The following RADIL variants were observed in gnomAD, a reference collection of about 807,000 sequenced individuals.
RADIL encodes ras-associating and dilute domain-containing protein.
Under a neutral mutation model 97.6 loss-of-function variants are expected in RADIL, and 99 were observed. The ratio of observed to expected loss-of-function variants is 1.01; its 90% confidence interval spans 0.86 to 1.20. RADIL has a LOEUF of 1.20. Among genes scored for constraint, RADIL ranks in the 50% most tolerant of loss-of-function variants. RADIL has a pLI of 0.00. For synonymous variants in RADIL, 803 were observed against 691.8 expected, an observed-to-expected ratio of 1.16 and a Z score of -2.52; for missense variants, 1,765 against 1,498.9, an observed-to-expected ratio of 1.18 and a Z score of -2.93.
chr7:4,846,123 CTTTTTTTTTT>C (rs548251052), intron 2 of RADIL, among the ~76,000 whole-genome samples: 1 of 143,624 alleles, frequency 7.0e-6, no homozygotes, highest in African/African-American at 2.5e-5. Context: ...CTACAATCTT[CTTTTTTTTTT>C]TTTTTTTTTT....
intron 2 of RADIL, among the ~76,000 whole-genome samples, chr7:4,848,699 C>A (rs6463120): frequency 0.46 from 69,270 of 151,906 alleles, 16,217 homozygotes; most frequent in African/African-American, 0.55. Flanking sequence ...AAACATGGCT[C>A]TATTGAGAAG....
At chr7:4,820,581 A>G (rs1051781771) in intron 6 of RADIL, among the ~76,000 whole-genome samples, 1 of 152,118 alleles carries the variant, frequency 6.6e-6, no homozygotes, top group African/African-American at 2.4e-5. Flanking sequence ...GACTGGGGAG[A>G]CCCTGGCAGA....
rs764029331 is a variant in RADIL, at chr7:4,816,263, GAGA to G, written c.1928_1930del (p.Phe643del). ...GAGCTGGTTGAGAAGCAGTGTCCCG[GAGA>G]AGAAGAAGAGGTAGGCGAGCATCTG... is the stretch of plus-strand genomic sequence containing the variant. On this transcript the variant is annotated inframe_deletion, in exon 8 of 15. Coordinates refer to ENST00000399583, the MANE Select transcript of RADIL (RefSeq NM_018059.5). 4.2e-5 allele frequency: 68 copies of G among 1,612,520 alleles called. No homozygotes were observed. Among genetic ancestry groups the G allele is most frequent in the Admixed American group, 4.0e-4 (24 of 60,000 alleles).
At chr7:4,862,790 G>A (rs962308359) in intron 2 of RADIL, among the ~76,000 whole-genome samples, 7 of 151,940 alleles carry the variant, frequency 4.6e-5, no homozygotes, top group Admixed American at 4.6e-4. Context: ...CCAGCTACTC[G>A]GGAGGCTGAG....
chr7:4,827,727 G>T (rs1245837177), intron 5 of RADIL, among the ~76,000 whole-genome samples: 1 of 152,140 alleles, frequency 6.6e-6, no homozygotes, highest in Admixed American at 6.6e-5. Context: ...AAGGGATTCG[G>T]CCAACACGGG....
intron 12 of RADIL, among the ~76,000 whole-genome samples, chr7:4,801,372 G>A (rs1371061470): frequency 2.6e-5 from 4 of 152,188 alleles, no homozygotes; most frequent in Non-Finnish European, 5.9e-5. Flanking sequence ...CCTCTGCCCA[G>A]TGCAGGAGTG....
At chr7:4,860,132 A>C (rs771629732) in intron 2 of RADIL, 1 of 1,614,008 alleles carries the variant, frequency 6.2e-7, no homozygotes, top group Non-Finnish European at 8.5e-7. Context: ...CATTACAGCC[A>C]AGGCAGGACT....
At chr7:4,802,899 C>T (rs1187624979) in intron 11 of RADIL, among the ~76,000 whole-genome samples, 3 of 126,128 alleles carry the variant, frequency 2.4e-5, no homozygotes, top group Non-Finnish European at 4.9e-5. Context: ...GGCCCCCTCC[C>T]CGGGCACCTC....
rs957740747 is a variant in RADIL, at chr7:4,872,421, C to G, written c.535+5184G>C. ...GGGCTCTGCGCGGGTTTAACACTTA[C>G]CCCTCCTGCAAAGGCAAACCAAGCC... On this transcript the variant is annotated intron_variant, in intron 2 of 14. Coordinates refer to ENST00000399583, the MANE Select transcript of RADIL (RefSeq NM_018059.5). The surrounding 1 kb of genome is among the most constrained non-coding windows in gnomAD (Gnocchi z 5.8). Among the ~76,000 whole-genome samples the G allele has an allele frequency of 1.3e-5, 2 of 152,184 alleles. No homozygotes were observed. The highest frequency in any genetic ancestry group is 4.8e-5 in the African/African-American group (2 of 41,456).
intron 5 of RADIL, among the ~76,000 whole-genome samples, chr7:4,827,559 G>T (rs1159010802): frequency 2.0e-5 from 3 of 152,160 alleles, no homozygotes; most frequent in African/African-American, 7.2e-5. Flanking sequence ...TACTCGGGAG[G>T]CTGAGGCAGG....
Position 4,836,508 on chromosome 7 carries a change from C to A in RADIL, c.633G>T (p.Leu211Phe), listed in dbSNP as rs767982099. The part of the protein sequence containing the change: ...GDARSSPPPR[L>F]RRTVSETSLS... Reference sequence around the variant, plus strand: ...GGCTGGTCTCACTGACTGTGCGGCGCAACCGGGGTGGAGGAGAGCTCCGGG... The same window carrying A: ...GGCTGGTCTCACTGACTGTGCGGCGAAACCGGGGTGGAGGAGAGCTCCGGG... Residue 211 changes from leucine (L) to phenylalanine (F), a missense_variant, in exon 3 of 15, where the codon TTG becomes TTT. Leu to Phe is a conservative substitution (Grantham distance 22, BLOSUM62 0). Transcript: ENST00000399583. 1 of 1,607,402 alleles carries A rather than the reference C, an allele frequency of 6.2e-7. No individual in the cohort carries two copies. Among genetic ancestry groups the A allele is most frequent in the South Asian group, 1.1e-5 (1 of 90,806 alleles).
chr7:4,875,742 T>C (rs759577577), intron 2 of RADIL, among the ~76,000 whole-genome samples: 47 of 152,262 alleles, frequency 3.1e-4, no homozygotes, highest in Admixed American at 5.9e-4. Context: ...CATCCCACCA[T>C]GCGCCTCCTC....
rs184399821 is a variant in RADIL, at chr7:4,842,711, G to A, written c.536-6106C>T. The stretch of plus-strand genomic sequence containing the variant: ...CTGGCTCTTGATGGTTTGGAATAAT[G>A]ATATATACAACTTGGAACCGTTTCT... On this transcript the variant is annotated intron_variant, in intron 2 of 14. Transcript: ENST00000399583. The surrounding 1 kb of genome is among the most constrained non-coding windows in gnomAD (Gnocchi z 4.5). 6.6e-6 allele frequency among the ~76,000 whole-genome samples: 1 copy of A among 152,266 alleles called. No individual in the cohort carries two copies. Among genetic ancestry groups the A allele is most frequent in the Non-Finnish European group, 1.5e-5 (1 of 68,018 alleles).
At position 4,815,768 on chromosome 7, in the gene RADIL, C is replaced by G. The variant is rs553247775; in HGVS notation, c.1967-318G>C. Among the ~76,000 whole-genome samples the G allele has an allele frequency of 6.6e-6, 1 of 152,134 alleles. No homozygotes were observed. Among genetic ancestry groups the G allele is most frequent in the African/African-American group, 2.4e-5 (1 of 41,438 alleles). ...GCCGGGGGCCTGCCCCCACCTGGGT[C>G]TCCCCACGCCCCACAGTGGCCCTGG... On this transcript the variant is annotated intron_variant, in intron 8 of 14. Coordinates refer to ENST00000399583, the MANE Select transcript of RADIL (RefSeq NM_018059.5). The surrounding 1 kb of genome is among the most constrained non-coding windows in gnomAD (Gnocchi z 8.0).
At chr7:4,859,615 G>A (rs1420754429) in intron 2 of RADIL, 5 of 380,826 alleles carry the variant, frequency 1.3e-5, no homozygotes, top group Admixed American at 4.2e-5. Flanking sequence ...AGTATTTGAA[G>A]ACAACAGGTT....
At chr7:4,868,392 G>A (rs1289043890) in intron 2 of RADIL, among the ~76,000 whole-genome samples, 1 of 152,150 alleles carries the variant, frequency 6.6e-6, no homozygotes, top group Non-Finnish European at 1.5e-5. Flanking sequence ...TAACATATAT[G>A]TGTACGGGTG....
chr7:4,855,106 C>T (rs991245602), intron 2 of RADIL, among the ~76,000 whole-genome samples: 30 of 152,178 alleles, frequency 2.0e-4, no homozygotes, highest in African/African-American at 7.2e-4. Flanking sequence ...CAGGCAGCTA[C>T]GGTCTAATTT....
In RADIL at chr7:4,808,380, T is replaced by A. The variant is rs902570360; in HGVS notation, c.2140-2664A>T. Among the ~76,000 whole-genome samples the A allele has an allele frequency of 1.8e-4, 28 of 152,184 alleles. 1 individual carries two copies. The highest frequency in any genetic ancestry group is 6.5e-4 in the African/African-American group (27 of 41,534). The stretch of plus-strand genomic sequence containing the variant: ...TTATTATTTTATGGATACTATATCT[T>A]CTCTTATTTTTATGAAGCTATAAGT... On this transcript the variant is annotated intron_variant, in intron 9 of 14. Coordinates refer to ENST00000399583, the MANE Select transcript of RADIL (RefSeq NM_018059.5).
At position 4,842,698 on chromosome 7, in the gene RADIL, G is replaced by A. The variant is rs1241402043; in HGVS notation, c.536-6093C>T. 1.3e-5 allele frequency among the ~76,000 whole-genome samples: 2 copies of A among 152,094 alleles called. No homozygotes were observed. The highest frequency in any genetic ancestry group is 2.9e-5 in the Non-Finnish European group (2 of 68,040). On this transcript the variant is annotated intron_variant, in intron 2 of 14. Coordinates refer to ENST00000399583, the MANE Select transcript of RADIL (RefSeq NM_018059.5). The surrounding 1 kb of genome is among the most constrained non-coding windows in gnomAD (Gnocchi z 4.5). ...TTCTCTTCCCTCCCTGGCTCTTGAT[G>A]GTTTGGAATAATGATATATACAACT...
Sources: gnomAD v4.1 joint callset for allele counts (sites outside exome capture counted in the v4.1 genomes callset) on GRCh38, gnomAD v4.1.1 for gene constraint, Gnocchi (gnomAD v3.1) non-coding constraint, MANE v1.5 for transcripts, NCBI Gene and HGNC (gene_info 2026-07-23, HGNC 2026-07-21) for gene names.